The following IL7 variants were observed in gnomAD, a reference collection of about 807,000 sequenced individuals.
IL7 encodes interleukin-7.
IL7 carries 3 observed loss-of-function variants against 21.6 expected under a neutral mutation model. The ratio of observed to expected loss-of-function variants is 0.14; its 90% CI spans 0.06 to 0.36. IL7 has a LOEUF of 0.36. Among genes scored for constraint, IL7 ranks in the 10% least tolerant of loss-of-function variants. The probability of loss-of-function intolerance (pLI) is 1.00; values close to 1 mark genes in which losing one functional copy is unlikely to be tolerated. For synonymous variants in IL7, 62 were observed against 68.1 expected (o/e 0.91, Z 0.44); for missense variants, 175 against 200.2 (o/e 0.87, Z 0.76).
At chr8:78,738,729 C>G in intron 3 of IL7, 94 bp from the exon 4 acceptor site, 1 of 1,145,306 alleles carries the variant, frequency 8.7e-7, no homozygotes, top group Non-Finnish European at 1.2e-6. Flanking sequence ...AGCTATGTTG[C>G]TAGGTAATGC....
intron 3 of IL7, chr8:78,689,418 T>C: frequency 6.7e-7 from 1 of 1,497,094 alleles, no homozygotes; most frequent in Non-Finnish European, 8.9e-7. Flanking sequence ...AAATGGCTCA[T>C]GGACATTCAT....
At chr8:78,709,037 T>G (rs182593210) in intron 3 of IL7, among the ~76,000 whole-genome samples, 16 of 152,286 alleles carry the variant, frequency 1.1e-4, no homozygotes, top group Non-Finnish European at 2.1e-4. Context: ...AATAAATATT[T>G]CCCCATTTGA....
downstream of IL7, among the ~76,000 whole-genome samples, chr8:78,730,127 GT>G (rs1461322779): frequency 2.0e-5 from 3 of 151,898 alleles, no homozygotes; most frequent in African/African-American, 7.3e-5. Context: ...TATGAAATTA[GT>G]TCACTTTTAG....
chr8:78,688,263 C>T (rs922609080), intron 3 of IL7, among the ~76,000 whole-genome samples: 1 of 151,940 alleles, frequency 6.6e-6, no homozygotes, highest in South Asian at 2.1e-4. Context: ...AGCTACATTT[C>T]TCATGTCTAA....
At chr8:78,716,948 G>A (rs1256102853), downstream of IL7, among the ~76,000 whole-genome samples, 2 of 151,986 alleles carry the variant, frequency 1.3e-5, no homozygotes, top group Non-Finnish European at 2.9e-5. Context: ...TTTGCCTTCT[G>A]CTATGAATAA....
intron 3 of IL7, among the ~76,000 whole-genome samples, chr8:78,703,477 A>G (rs1406485248): frequency 6.6e-6 from 1 of 150,402 alleles, no homozygotes. Flanking sequence ...GTACATTTGT[A>G]TTTAGGATAG....
chr8:78,761,087 C>A (rs1812538792), intron 2 of IL7: 121 of 1,602,926 alleles, frequency 7.5e-5, no homozygotes, highest in Non-Finnish European at 1.0e-4. Flanking sequence ...ACCATCTAAA[C>A]ATAAAACAAG....
At chr8:78,797,731 C>A (rs925884546) in intron 2 of IL7, 8 of 172,872 alleles carry the variant, frequency 4.6e-5, no homozygotes, top group Admixed American at 1.2e-4. Flanking sequence ...TGTTATTTTC[C>A]CACTCTTAAT....
chr8:78,753,013 G>C (rs1222326585), intron 2 of IL7, among the ~76,000 whole-genome samples: 1 of 152,110 alleles, frequency 6.6e-6, no homozygotes, highest in East Asian at 1.9e-4. Context: ...ATTTGGGTTG[G>C]TTCCAAGTCT....
intron 3 of IL7, among the ~76,000 whole-genome samples, chr8:78,706,168 C>T (rs1222882596): frequency 1.3e-5 from 2 of 152,088 alleles, no homozygotes; most frequent in African/African-American, 2.4e-5. Flanking sequence ...GAGTTCCATC[C>T]CAGGTAGGCT....
chr8:78,788,635 C>A (rs1035973921), intron 2 of IL7, among the ~76,000 whole-genome samples: 5 of 152,078 alleles, frequency 3.3e-5, no homozygotes, highest in Admixed American at 6.6e-5. Context: ...GTGTGTTTTA[C>A]GGCTCAGTAC....
intron 2 of IL7, among the ~76,000 whole-genome samples, chr8:78,746,223 T>C (rs754105418): frequency 8.5e-5 from 13 of 152,364 alleles, no homozygotes; most frequent in Non-Finnish European, 1.5e-4. Context: ...ACAGTTTCTG[T>C]GGATCAAGAA....
At chr8:78,692,805 A>G (rs765536835) in intron 3 of IL7, among the ~76,000 whole-genome samples, 3 of 152,158 alleles carry the variant, frequency 2.0e-5, no homozygotes, top group Non-Finnish European at 4.4e-5. Context: ...ATACGTGTAC[A>G]TATGCCATGT....
chr8:78,760,106 A>G (rs745731708), intron 2 of IL7: 3 of 1,487,388 alleles, frequency 2.0e-6, no homozygotes, highest in Non-Finnish European at 2.7e-6. Context: ...TTACTTCCAA[A>G]TATCAAATAT....
Position 78,738,580 on chromosome 8 carries a change from T to C in IL7, c.284A>G (p.Asn95Ser). Residue 95 changes from asparagine to serine, a missense_variant, in exon 4 of 6, where the codon AAT (asparagine) becomes AGT (serine). Coordinates refer to ENST00000263851, the MANE Select transcript of IL7 (RefSeq NM_000880.4). ...ARKLRQFLKM[N>S]STGDFDLHLL... ...GTGGAGATCAAAATCACCAGTGCTA[T>C]TCATTTTAAGAAATTGCCTCAACTT... The C allele has an allele frequency of 6.2e-7, 1 of 1,613,630 alleles. No individual in the cohort carries two copies. The highest frequency in any genetic ancestry group is 8.5e-7 in the Non-Finnish European group (1 of 1,179,600).
At chr8:78,712,527 C>T (rs921358894) in intron 3 of IL7, among the ~76,000 whole-genome samples, 19 of 151,836 alleles carry the variant, frequency 1.3e-4, no homozygotes, top group Non-Finnish European at 2.7e-4. Context: ...TATAAAAAGC[C>T]CAGAAAAAGA....
intron 4 of IL7, among the ~76,000 whole-genome samples, chr8:78,682,509 A>C (rs950411300): frequency 6.6e-6 from 1 of 152,144 alleles, no homozygotes; most frequent in African/African-American, 2.4e-5. Context: ...AGATCTCGCA[A>C]GACTTATTCA....
chr8:78,788,063 C>G (rs777471275), intron 2 of IL7, among the ~76,000 whole-genome samples: 12 of 152,146 alleles, frequency 7.9e-5, no homozygotes, highest in Non-Finnish European at 1.8e-4. Context: ...ACTTTTACCT[C>G]ATTATCTTTA....
At chr8:78,736,032 T>C (rs1811581319) in intron 5 of IL7, among the ~76,000 whole-genome samples, 1 of 150,802 alleles carries the variant, frequency 6.6e-6, no homozygotes, top group African/African-American at 2.4e-5. Flanking sequence ...TATTATATAT[T>C]ATTTATACTG....
Sources: gnomAD v4.1 joint callset for allele counts (sites outside exome capture counted in the v4.1 genomes callset) on GRCh38, gnomAD v4.1.1 for gene constraint, MANE v1.5 for transcripts, NCBI Gene and HGNC (gene_info 2026-07-23, HGNC 2026-07-21) for gene names.